CAPZB: variants seen among roughly 807,000 people sequenced by gnomAD.
The protein encoded by CAPZB is capping actin protein of muscle Z-line subunit beta.
CAPZB carries 2 observed loss-of-function variants against 38.1 expected under a neutral mutation model. That is an observed-to-expected ratio of 0.05 (90% confidence interval 0.02 to 0.17). The LOEUF (loss-of-function observed/expected upper bound fraction) is 0.17, where lower values mean the gene tolerates loss of function less well. Among genes scored for constraint, CAPZB ranks in the 10% least tolerant of loss-of-function variants. The pLI, the probability that CAPZB is intolerant of heterozygous loss-of-function variation, is 1.00. For synonymous variants in CAPZB, 107 were observed against 127.4 expected (o/e 0.84, Z 1.08); for missense variants, 161 against 334.2 (o/e 0.48, Z 4.04).
chr1:19,399,603 G>C (rs2094292126), intron 2 of CAPZB, among the ~76,000 whole-genome samples: 1 of 152,182 alleles, frequency 6.6e-6, no homozygotes, highest in African/African-American at 2.4e-5. Flanking sequence ...CCTGGTCTCT[G>C]CAATGGATGG....
intron 6 of CAPZB, among the ~76,000 whole-genome samples, chr1:19,347,241 T>G (rs1329175372): frequency 6.6e-6 from 1 of 152,208 alleles, no homozygotes; most frequent in Non-Finnish European, 1.5e-5. Context: ...TAAAATCATC[T>G]GCTGGCACAT....
rs114551388 is a variant in CAPZB at position 19,369,740 on chromosome 1, C to T, written c.329+8800G>A. 1.4e-3 allele frequency among the ~76,000 whole-genome samples: 219 copies of T among 152,348 alleles called. 1 individual carries two copies. The highest frequency in any genetic ancestry group is 5.1e-3 in the African/African-American group (210 of 41,576). ...CAAGGAAATGAGAACACAGACCTCG[C>T]TGAAGGGACAGGGAGTGAAGGGGGA... is the stretch of plus-strand genomic sequence containing the variant. On this transcript the variant is annotated intron_variant, in intron 4 of 8. Coordinates refer to ENST00000264202, the MANE Select transcript of CAPZB (RefSeq NM_004930.5).
At position 19,351,961 on chromosome 1, in the gene CAPZB, C is replaced by A. The variant is rs12072481; in HGVS notation, c.588+4674G>T. 7.9e-3 allele frequency among the ~76,000 whole-genome samples: 1,197 copies of A among 152,324 alleles called. 18 individuals are homozygous for A. The highest frequency in any genetic ancestry group is 0.028 in the African/African-American group (1,151 of 41,564). ...AGGCACTGGTCACTCCACCCCAGGTCATCTGGCAAAAACCCAGACGCCCCT... is the reference window on the plus strand; with the variant it reads ...AGGCACTGGTCACTCCACCCCAGGTAATCTGGCAAAAACCCAGACGCCCCT... On this transcript the variant is annotated intron_variant, in intron 6 of 8. Transcript: ENST00000264202.
At chr1:19,416,752 T>C (rs2094380960) in intron 2 of CAPZB, among the ~76,000 whole-genome samples, 1 of 149,764 alleles carries the variant, frequency 6.7e-6, no homozygotes, top group African/African-American at 2.5e-5. Flanking sequence ...CTTAGCTACT[T>C]GCAAGGCTGA....
intron 2 of CAPZB, among the ~76,000 whole-genome samples, chr1:19,410,506 G>GC (rs1474186107): frequency 2.6e-5 from 4 of 152,190 alleles, no homozygotes. Flanking sequence ...GTGGGGGGCT[G>GC]CAATAGGAAG....
chr1:19,471,733 G>A (rs573192569), intron 1 of CAPZB, among the ~76,000 whole-genome samples: 1 of 152,224 alleles, frequency 6.6e-6, no homozygotes, highest in Non-Finnish European at 1.5e-5. Flanking sequence ...CAGGCGTGGT[G>A]GCGGGCGCCT....
At chr1:19,433,747 C>G (rs1054629026) in intron 1 of CAPZB, among the ~76,000 whole-genome samples, 1 of 152,200 alleles carries the variant, frequency 6.6e-6, no homozygotes, top group African/African-American at 2.4e-5. Flanking sequence ...ATCCAACAAA[C>G]CACTTGGGCT....
intron 1 of CAPZB, among the ~76,000 whole-genome samples, chr1:19,438,243 A>AG (rs2094464444): frequency 6.6e-6 from 1 of 152,124 alleles, no homozygotes; most frequent in Non-Finnish European, 1.5e-5. Context: ...CAGAGACGGG[A>AG]GGCTGGGGAG....
intron 1 of CAPZB, among the ~76,000 whole-genome samples, chr1:19,437,404 G>A (rs770423673): frequency 6.6e-6 from 1 of 152,142 alleles, no homozygotes; most frequent in Non-Finnish European, 1.5e-5. Flanking sequence ...GCAAGGCCAC[G>A]CACCGCTGAG....
At chr1:19,392,174 C>T (rs969770543) in intron 2 of CAPZB, among the ~76,000 whole-genome samples, 36 of 69,666 alleles carry the variant, frequency 5.2e-4, no homozygotes, top group African/African-American at 2.6e-3. Context: ...CACAGAGAGA[C>T]TCTGTCTCAA....
chr1:19,406,031 C>T (rs893447816), intron 2 of CAPZB, among the ~76,000 whole-genome samples: 4 of 152,208 alleles, frequency 2.6e-5, no homozygotes, highest in African/African-American at 9.6e-5. Flanking sequence ...CTCTCTCAGG[C>T]AGGCTCTGTG....
intron 1 of CAPZB, among the ~76,000 whole-genome samples, chr1:19,431,493 A>G (rs548737032): frequency 6.6e-6 from 1 of 152,188 alleles, no homozygotes; most frequent in African/African-American, 2.4e-5. Context: ...GGAGATCAAG[A>G]CCATCTGGCC....
intron 6 of CAPZB, among the ~76,000 whole-genome samples, chr1:19,355,549 A>G (rs2094016461): frequency 6.6e-6 from 1 of 152,000 alleles, no homozygotes; most frequent in Non-Finnish European, 1.5e-5. Context: ...TATTTTTTCT[A>G]TCCACAGCTA....
intron 2 of CAPZB, among the ~76,000 whole-genome samples, chr1:19,398,170 T>A (rs1447751324): frequency 7.0e-6 from 1 of 143,002 alleles, no homozygotes; most frequent in East Asian, 2.1e-4. Flanking sequence ...ATCTGCTCCA[T>A]GATGAGGAAC....
intron 1 of CAPZB, among the ~76,000 whole-genome samples, chr1:19,470,766 A>G (rs1378793942): frequency 6.6e-6 from 1 of 152,224 alleles, no homozygotes; most frequent in African/African-American, 2.4e-5. Context: ...GGCAATTTAT[A>G]TAAAGTCTAA....
intron 4 of CAPZB, among the ~76,000 whole-genome samples, chr1:19,377,987 G>A (rs1403407831): frequency 3.3e-5 from 5 of 152,224 alleles, no homozygotes; most frequent in African/African-American, 9.6e-5. Flanking sequence ...TGGAGGCAGA[G>A]GCCCCTGAGC....
At chr1:19,423,962 C>G (rs2094411922) in intron 1 of CAPZB, among the ~76,000 whole-genome samples, 1 of 152,130 alleles carries the variant, frequency 6.6e-6, no homozygotes. Context: ...CAGGCATGAG[C>G]CACCATGCCC....
chr1:19,366,283 AATATATATATATAT>A (rs201882034), intron 4 of CAPZB, among the ~76,000 whole-genome samples: 1,600 of 60,500 alleles, frequency 0.026, 145 homozygotes, highest in African/African-American at 0.096. Flanking sequence ...CGTGTCTTAA[AATATATATATATAT>A]ATATATATAT....
At chr1:19,455,987 C>G (rs2094531889) in intron 1 of CAPZB, among the ~76,000 whole-genome samples, 1 of 152,228 alleles carries the variant, frequency 6.6e-6, no homozygotes, top group African/African-American at 2.4e-5. Context: ...GATCTCAGCT[C>G]TGCAACCTCT....
Sources: gnomAD v4.1 joint callset for allele counts (sites outside exome capture counted in the v4.1 genomes callset) on GRCh38, gnomAD v4.1.1 for gene constraint, MANE v1.5 for transcripts, NCBI Gene and HGNC (gene_info 2026-07-23, HGNC 2026-07-21) for gene names.